Variants in GADL1 observed in about 807,000 individuals in gnomAD.
GADL1 encodes GAD like acidic amino acid decarboxylase 1.
GADL1 carries 71 observed loss-of-function variants against 69.5 expected under a neutral mutation model. The ratio of observed to expected loss-of-function variants is 1.02; its 90% CI spans 0.84 to 1.25. The LOEUF (loss-of-function observed/expected upper bound fraction) is 1.25, where lower values mean the gene tolerates loss of function less well. Among genes scored for constraint, GADL1 ranks in the 50% most tolerant of loss-of-function variants. GADL1 has a pLI of 0.00. For missense variants in GADL1, 737 were observed against 631.8 expected (o/e 1.17, Z -1.79); for synonymous variants, 254 against 214.4 (o/e 1.18, Z -1.62).
intron 14 of GADL1, among the ~76,000 whole-genome samples, chr3:30,740,182 A>G (rs890544186): frequency 1.2e-4 from 19 of 152,182 alleles, no homozygotes; most frequent in Admixed American, 3.9e-4. Flanking sequence ...CCTGCTTCGT[A>G]TGTCAGAGTT....
intron 14 of GADL1, among the ~76,000 whole-genome samples, chr3:30,753,800 C>A (rs554936506): frequency 2.6e-5 from 4 of 152,162 alleles, no homozygotes; most frequent in African/African-American, 9.7e-5. Flanking sequence ...TTATCTAATT[C>A]ATAAATTGCA....
chr3:30,787,240 G>C (rs1250194615), intron 12 of GADL1, among the ~76,000 whole-genome samples: 1 of 152,086 alleles, frequency 6.6e-6, no homozygotes, highest in South Asian at 2.1e-4. Context: ...GTGGGCTGTA[G>C]CCATTGATAT....
At chr3:30,761,499 T>C (rs764220644) in intron 14 of GADL1, among the ~76,000 whole-genome samples, 6 of 152,194 alleles carry the variant, frequency 3.9e-5, no homozygotes, top group Non-Finnish European at 7.3e-5. Context: ...TACTGCATGG[T>C]ATATTTTAGC....
chr3:30,733,592 CCT>C (rs1695498196), intron 14 of GADL1, among the ~76,000 whole-genome samples: 1 of 126,630 alleles, frequency 7.9e-6, no homozygotes, highest in African/African-American at 4.0e-5. Flanking sequence ...TTTTCTCCTT[CCT>C]TCCTTCCTTC....
chr3:30,849,986 T>A lies in GADL1; in HGVS notation c.651+10A>T, dbSNP rs746479955. 1.3e-6 allele frequency: 2 copies of A among 1,487,334 alleles called. No homozygotes were observed. Among genetic ancestry groups the A allele is most frequent in the Admixed American group, 3.4e-5 (2 of 58,742 alleles). 92.1% of individuals were successfully genotyped at this position (1,487,334 alleles called of 1,614,324 possible). ...GAAAATCTATATTCAATACCAAAAA[T>A]AATTTTTACCTCTGCAGATGTGAAA... is the stretch of plus-strand genomic sequence containing the variant. On this transcript the variant is annotated intron_variant, in intron 6 of 14. Coordinates refer to ENST00000282538, the MANE Select transcript of GADL1 (RefSeq NM_207359.3).
At chr3:30,804,121 T>G (rs1001857331) in intron 11 of GADL1, among the ~76,000 whole-genome samples, 4 of 152,202 alleles carry the variant, frequency 2.6e-5, no homozygotes, top group Non-Finnish European at 5.9e-5. Context: ...GAGGGAGTAT[T>G]TTTATAGGCT....
rs60283911 is a variant in GADL1, at chr3:30,741,190, A to ATGTG, written c.1393-12779_1393-12776dup. On this transcript the variant is annotated intron_variant, in intron 14 of 14. Transcript: ENST00000282538. ...TAAATATTATATATATTATATAATT[A>ATGTG]TGTGTGTGTGTGTGTGTGTGTGTGT... Among the ~76,000 whole-genome samples the ATGTG allele has an allele frequency of 2.9e-3, 385 of 132,622 alleles. 6 individuals carry two copies. The highest frequency in any genetic ancestry group is 9.7e-3 in the African/African-American group (340 of 34,878). 87.0% of individuals were successfully genotyped at this position (132,622 alleles called of 152,430 possible).
At chr3:30,781,943 AGG>A in intron 13 of GADL1, among the ~76,000 whole-genome samples, 1 of 152,320 alleles carries the variant, frequency 6.6e-6, no homozygotes, top group Non-Finnish European at 1.5e-5. Context: ...CTATATTTGA[AGG>A]GAAACATTAA....
chr3:30,759,105 G>GT (rs1158641062), intron 14 of GADL1, among the ~76,000 whole-genome samples: 5 of 152,148 alleles, frequency 3.3e-5, no homozygotes, highest in Non-Finnish European at 5.9e-5. Flanking sequence ...GATGGAGCTG[G>GT]TTGGATTTAG....
intron 14 of GADL1, among the ~76,000 whole-genome samples, chr3:30,767,261 T>C (rs1575194108): frequency 6.6e-6 from 1 of 152,182 alleles, no homozygotes; most frequent in Non-Finnish European, 1.5e-5. Context: ...ATTTAAAAGA[T>C]GCCCTTTTTA....
At chr3:30,867,439 T>TATATATAC (rs1319135425) in intron 1 of GADL1, among the ~76,000 whole-genome samples, 2 of 138,868 alleles carry the variant, frequency 1.4e-5, no homozygotes, top group South Asian at 2.4e-4. Flanking sequence ...TATATATATA[T>TATATATAC]ACACATATAT....
chr3:30,780,348 G>C (rs777377132), intron 13 of GADL1, among the ~76,000 whole-genome samples: 3 of 152,098 alleles, frequency 2.0e-5, no homozygotes, highest in Non-Finnish European at 4.4e-5. Context: ...TACTCTCTCT[G>C]AAGAGGTCTA....
intron 11 of GADL1, among the ~76,000 whole-genome samples, chr3:30,819,112 A>T (rs1220608378): frequency 6.6e-6 from 1 of 151,874 alleles, no homozygotes; most frequent in Non-Finnish European, 1.5e-5. Context: ...GGCTTCCCAC[A>T]TTGAGTTTCA....
chr3:30,754,005 A>AG (rs549939734), intron 14 of GADL1, among the ~76,000 whole-genome samples: 3 of 152,336 alleles, frequency 2.0e-5, no homozygotes, highest in African/African-American at 4.8e-5. Context: ...AGGAGGACTG[A>AG]GGTGGTGAGG....
Position 30,880,483 on chromosome 3 carries a change from C to T in GADL1, c.37+14095G>A, listed in dbSNP as rs535600125. 3.9e-5 allele frequency among the ~76,000 whole-genome samples: 6 copies of T among 151,904 alleles called. No homozygotes were observed. In the South Asian group the frequency reaches 1.2e-3, roughly 32 times the overall value. On this transcript the variant is annotated intron_variant, in intron 1 of 14. Transcript: ENST00000282538. ...CTGATGGTTTTTATAAAGGACAGTTCCCCTGCCCACACTCTTGCCTGCTGC... is the reference window on the plus strand; with the variant it reads ...CTGATGGTTTTTATAAAGGACAGTTTCCCTGCCCACACTCTTGCCTGCTGC...
At position 30,857,115 on chromosome 3, in the gene GADL1, T is replaced by A; in HGVS notation, c.237A>T (p.Gln79His). 3 of 1,550,256 alleles carry A rather than the reference T, an allele frequency of 1.9e-6. No individual in the cohort carries two copies. The highest frequency in any genetic ancestry group is 1.2e-5 in the South Asian group (1 of 83,996). The change falls in exon 3 of 15, where the codon CAA becomes CAT. Residue 79 changes from glutamine (Q) to histidine (H), a missense_variant. Coordinates refer to ENST00000282538, the MANE Select transcript of GADL1 (RefSeq NM_207359.3). ...TCTCCAAATCAAGAAGCTGTTTCAG[T>A]TGTTCAGGAGGCCTCCATTCACACA... ...EKVCEWRPPE[Q>H]LKQLLDLEMR... is the part of the protein sequence containing the mutation.
intron 13 of GADL1, among the ~76,000 whole-genome samples, chr3:30,783,778 A>T (rs1696726586): frequency 6.6e-6 from 1 of 152,222 alleles, no homozygotes; most frequent in East Asian, 1.9e-4. Context: ...CAGGGGCAGA[A>T]GGCTGACTAA....
At chr3:30,780,792 C>A (rs1696649798) in intron 13 of GADL1, among the ~76,000 whole-genome samples, 1 of 152,078 alleles carries the variant, frequency 6.6e-6, no homozygotes, top group African/African-American at 2.4e-5. Flanking sequence ...CTTATAAAGC[C>A]CTTCTGACAC....
intron 9 of GADL1, among the ~76,000 whole-genome samples, chr3:30,838,711 C>A (rs930220261): frequency 2.6e-5 from 4 of 152,072 alleles, no homozygotes; most frequent in Non-Finnish European, 5.9e-5. Flanking sequence ...AAAATGGGTG[C>A]CTTACACCAG....
Sources: allele counts gnomAD v4.1 joint callset (sites outside exome capture counted in the v4.1 genomes callset), GRCh38; gene constraint gnomAD v4.1.1; transcripts MANE v1.5; gene names NCBI Gene and HGNC (gene_info 2026-07-23, HGNC 2026-07-21).